The following GRM8 variants were observed in gnomAD, a reference collection of about 807,000 sequenced individuals.
The protein encoded by GRM8 is metabotropic glutamate receptor 8.
Under a neutral mutation model 87.2 loss-of-function variants are expected in GRM8, and 47 were observed. The observed-to-expected ratio is 0.54, with a 90% CI of 0.43 to 0.69. The LOEUF (loss-of-function observed/expected upper bound fraction) is 0.69. Among genes scored for constraint, GRM8 ranks in the 30% least tolerant of loss-of-function variants. The pLI, the probability that GRM8 is intolerant of heterozygous loss-of-function variation, is 0.00. For synonymous variants in GRM8, 396 were observed against 404.5 expected, an observed-to-expected ratio of 0.98 and a Z score of 0.25; for missense variants, 1,019 against 1,139.2, an observed-to-expected ratio of 0.89 and a Z score of 1.52.
chr7:126,825,944 C>T (rs1269864204), intron 6 of GRM8, among the ~76,000 whole-genome samples: 4 of 139,490 alleles, frequency 2.9e-5, no homozygotes, highest in Non-Finnish European at 6.0e-5. Context: ...TTGTTCAATT[C>T]CCATCTATGA....
intron 6 of GRM8, among the ~76,000 whole-genome samples, chr7:126,822,046 C>T (rs1337742416): frequency 6.6e-6 from 1 of 152,188 alleles, no homozygotes; most frequent in Admixed American, 6.5e-5. Flanking sequence ...TGAAAACTTA[C>T]ATTTTTTAGT....
At chr7:126,643,349 TATATATAG>T (rs1563050143) in intron 7 of GRM8, among the ~76,000 whole-genome samples, 1 of 98,274 alleles carries the variant, frequency 1.0e-5, no homozygotes, top group African/African-American at 4.4e-5. Flanking sequence ...TATATATATA[TATATATAG>T]TTTGAAGCAA....
At chr7:126,761,763 T>C (rs905341986) in intron 7 of GRM8, among the ~76,000 whole-genome samples, 1 of 152,200 alleles carries the variant, frequency 6.6e-6, no homozygotes, top group Non-Finnish European at 1.5e-5. Flanking sequence ...TGCTCAACTT[T>C]CTTAGAATGT....
At chr7:126,769,023 G>A (rs1376540059) in intron 7 of GRM8, among the ~76,000 whole-genome samples, 1 of 152,022 alleles carries the variant, frequency 6.6e-6, no homozygotes, top group Non-Finnish European at 1.5e-5. Flanking sequence ...GAGGTCACTG[G>A]AGTGTGTTAT....
chr7:127,008,878 AAT>A, intron 3 of GRM8, among the ~76,000 whole-genome samples: 1 of 152,260 alleles, frequency 6.6e-6, no homozygotes, highest in East Asian at 1.9e-4. Context: ...CCGCTTTTCA[AAT>A]ATGTTTTTAT....
At chr7:126,876,396 G>A (rs1799525632) in intron 6 of GRM8, among the ~76,000 whole-genome samples, 1 of 152,180 alleles carries the variant, frequency 6.6e-6, no homozygotes, top group African/African-American at 2.4e-5. Context: ...ATATTGACCA[G>A]TATGAATTGA....
At chr7:126,762,662 T>A (rs968607934) in intron 7 of GRM8, among the ~76,000 whole-genome samples, 1 of 152,048 alleles carries the variant, frequency 6.6e-6, no homozygotes, top group African/African-American at 2.4e-5. Flanking sequence ...TGAGAGTAAA[T>A]GAGCAAAAAT....
chr7:127,078,074 T>C (rs1321100819), intron 3 of GRM8, among the ~76,000 whole-genome samples: 2 of 152,238 alleles, frequency 1.3e-5, no homozygotes, highest in African/African-American at 4.8e-5. Context: ...CCCTGATCTA[T>C]AGTGACTTGG....
intron 6 of GRM8, among the ~76,000 whole-genome samples, chr7:126,898,820 GT>G (rs756232292): frequency 1.3e-5 from 2 of 152,100 alleles, no homozygotes; most frequent in Non-Finnish European, 2.9e-5. Flanking sequence ...GTGCAGGTTT[GT>G]TACATAGGTA....
At chr7:126,874,816 T>C (rs775519331) in intron 6 of GRM8, among the ~76,000 whole-genome samples, 1 of 152,184 alleles carries the variant, frequency 6.6e-6, no homozygotes, top group Non-Finnish European at 1.5e-5. Context: ...TTGACCATTT[T>C]AATTGTTTAA....
intron 7 of GRM8, among the ~76,000 whole-genome samples, chr7:126,628,891 T>C (rs1050915389): frequency 1.4e-5 from 2 of 141,770 alleles, no homozygotes; most frequent in African/African-American, 5.3e-5. Flanking sequence ...AGCCAATAAA[T>C]AGAGGAAAAA....
chr7:126,900,549 C>T (rs1292143211), intron 6 of GRM8, among the ~76,000 whole-genome samples: 9 of 152,024 alleles, frequency 5.9e-5, no homozygotes, highest in East Asian at 1.9e-4. Flanking sequence ...CTCACTCTGT[C>T]GCCCAGGCTG....
chr7:126,948,736 G>A (rs781139498), intron 3 of GRM8, among the ~76,000 whole-genome samples: 4 of 152,006 alleles, frequency 2.6e-5, no homozygotes, highest in Non-Finnish European at 5.9e-5. Context: ...CATCAATGAC[G>A]CCATCCCCTG....
At chr7:126,507,070 C>T (rs138795294) in intron 9 of GRM8, among the ~76,000 whole-genome samples, 1 of 151,994 alleles carries the variant, frequency 6.6e-6, no homozygotes. Context: ...GGTCCTCCTA[C>T]TTTTACTTTC....
At chr7:126,653,300 CAA>C (rs35546815) in intron 7 of GRM8, among the ~76,000 whole-genome samples, 11 of 109,002 alleles carry the variant, frequency 1.0e-4, no homozygotes, top group Admixed American at 1.0e-4. Flanking sequence ...ATCCTGTCTC[CAA>C]AAAAAAAAAA....
chr7:126,453,838 A>G (rs1802919882), intron 9 of GRM8, among the ~76,000 whole-genome samples: 1 of 151,764 alleles, frequency 6.6e-6, no homozygotes, highest in South Asian at 2.1e-4. Flanking sequence ...TAAATAAGTA[A>G]ACTGATGTTG....
intron 8 of GRM8, among the ~76,000 whole-genome samples, chr7:126,603,439 T>C (rs563208542): frequency 2.2e-4 from 34 of 151,570 alleles, no homozygotes; most frequent in Admixed American, 1.1e-3. Flanking sequence ...AAAGAGGAAG[T>C]CAAATTGTCA....
intron 7 of GRM8, among the ~76,000 whole-genome samples, chr7:126,689,452 A>G (rs1421303098): frequency 1.3e-5 from 2 of 152,250 alleles, no homozygotes; most frequent in African/African-American, 2.4e-5. Context: ...CATGGCTAAT[A>G]GAAGAAAATG....
intron 3 of GRM8, among the ~76,000 whole-genome samples, chr7:126,993,519 A>G (rs1396492810): frequency 2.0e-5 from 3 of 152,218 alleles, no homozygotes; most frequent in African/African-American, 7.2e-5. Flanking sequence ...TTCATAAAAA[A>G]CAAAAATCAG....
Sources: allele counts gnomAD v4.1 joint callset (sites outside exome capture counted in the v4.1 genomes callset), GRCh38; gene constraint gnomAD v4.1.1; transcripts MANE v1.5; gene names NCBI Gene and HGNC (gene_info 2026-07-23, HGNC 2026-07-21).